The following ZPBP variants were observed in gnomAD, a reference collection of about 807,000 sequenced individuals.
ZPBP encodes zona pellucida binding protein, also known as zona pellucida-binding protein 1.
ZPBP carries 26 observed loss-of-function variants against 44.8 expected under a neutral mutation model. That is an observed-to-expected ratio of 0.58 (90% CI 0.43 to 0.81). ZPBP has a LOEUF of 0.81. ZPBP is among the 30% of genes least tolerant of loss of function. The probability of loss-of-function intolerance (pLI) is 0.00; values close to 1 mark genes in which losing one functional copy is unlikely to be tolerated. For synonymous variants in ZPBP, 174 were observed against 153.2 expected (o/e 1.14, Z -1.00); for missense variants, 409 against 434.0 (o/e 0.94, Z 0.51).
At chr7:49,924,060 T>C (rs1794133494) in intron 1 of ZPBP, among the ~76,000 whole-genome samples, 1 of 151,810 alleles carries the variant, frequency 6.6e-6, no homozygotes, top group South Asian at 2.1e-4. Context: ...GAGGCGGAGG[T>C]TGCAGTGAGC....
chr7:49,844,645 T>C, the ZPBP span, among the ~76,000 whole-genome samples: 1 of 152,194 alleles, frequency 6.6e-6, no homozygotes, highest in East Asian at 1.9e-4. Context: ...GGTCAATGGA[T>C]CTGACACGTA....
intron 2 of ZPBP, among the ~76,000 whole-genome samples, chr7:49,881,943 T>A (rs1471310015): frequency 1.3e-5 from 2 of 152,102 alleles, no homozygotes; most frequent in African/African-American, 2.4e-5. Flanking sequence ...TTCCTTTTTT[T>A]AAATTTGTCT....
downstream of ZPBP, among the ~76,000 whole-genome samples, chr7:49,845,926 T>G (rs1307560568): frequency 6.6e-6 from 1 of 152,232 alleles, no homozygotes; most frequent in Non-Finnish European, 1.5e-5. Context: ...TGGAGAGTTT[T>G]CACTAATGAG....
At chr7:49,981,423 T>A (rs1322960888) in intron 7 of ZPBP, among the ~76,000 whole-genome samples, 2 of 47,418 alleles carry the variant, frequency 4.2e-5, no homozygotes, top group Admixed American at 8.5e-4. Context: ...TAATATATAA[T>A]ATAAAATATA....
At chr7:50,008,068 A>G (rs564081631) in intron 6 of ZPBP, among the ~76,000 whole-genome samples, 1 of 152,174 alleles carries the variant, frequency 6.6e-6, no homozygotes, top group African/African-American at 2.4e-5. Flanking sequence ...CTATATAGGA[A>G]AAAATAAAAT....
At chr7:49,857,390 C>G (rs913964307) in intron 2 of ZPBP, among the ~76,000 whole-genome samples, 2 of 152,146 alleles carry the variant, frequency 1.3e-5, no homozygotes, top group African/African-American at 2.4e-5. Flanking sequence ...CTGAATATTC[C>G]AATGTAGGCA....
chr7:50,066,225 G>C (rs1277307558), intron 3 of ZPBP, among the ~76,000 whole-genome samples: 1 of 150,578 alleles, frequency 6.6e-6, no homozygotes, highest in East Asian at 1.9e-4. Flanking sequence ...TTATAGGAGA[G>C]AGGGTCTTCT....
chr7:49,892,403 C>G (rs1166677982), intron 2 of ZPBP, among the ~76,000 whole-genome samples: 1 of 152,104 alleles, frequency 6.6e-6, no homozygotes, highest in Non-Finnish European at 1.5e-5. Flanking sequence ...ATAAGTAAAG[C>G]TACTTCGACA....
At chr7:50,061,323 A>G (rs1801225046) in intron 3 of ZPBP, among the ~76,000 whole-genome samples, 2 of 152,168 alleles carry the variant, frequency 1.3e-5, no homozygotes, top group Non-Finnish European at 2.9e-5. Flanking sequence ...GCATCAGGCA[A>G]GAGAAAGAAA....
At chr7:49,879,503 C>G (rs911559511) in intron 2 of ZPBP, among the ~76,000 whole-genome samples, 9 of 152,114 alleles carry the variant, frequency 5.9e-5, no homozygotes, top group African/African-American at 2.2e-4. Flanking sequence ...TAATAGAATG[C>G]AGAATCACCA....
At chr7:49,943,555 G>A in intron 7 of ZPBP, 1 of 389,302 alleles carries the variant, frequency 2.6e-6, no homozygotes, top group Non-Finnish European at 5.0e-6. Flanking sequence ...CTGAATAAAT[G>A]CTCCTTTGCG....
intron 1 of ZPBP, among the ~76,000 whole-genome samples, chr7:49,922,879 T>A (rs1332147073): frequency 1.3e-5 from 2 of 152,158 alleles, no homozygotes; most frequent in East Asian, 3.8e-4. Context: ...AATAAATCTA[T>A]ATTCAAAGAC....
intron 3 of ZPBP, among the ~76,000 whole-genome samples, chr7:50,067,158 T>C (rs982948956): frequency 6.6e-6 from 1 of 152,198 alleles, no homozygotes; most frequent in Non-Finnish European, 1.5e-5. Context: ...ATCTTTTGCA[T>C]GGCCATACTT....
At chr7:50,033,678 G>GTTTGTTTGTTTGTTTA (rs143206693) in intron 4 of ZPBP, among the ~76,000 whole-genome samples, 3,513 of 148,786 alleles carry the variant, frequency 0.024, 50 homozygotes, top group Non-Finnish European at 0.033. Flanking sequence ...TCTTTCTACA[G>GTTTGTTTGTTTGTTTA]TTTATTTATT....
intron 2 of ZPBP, among the ~76,000 whole-genome samples, chr7:49,852,849 T>C (rs1373190340): frequency 6.6e-6 from 1 of 152,200 alleles, no homozygotes. Flanking sequence ...AGTGACTGGC[T>C]CCTTGAACTA....
intron 2 of ZPBP, among the ~76,000 whole-genome samples, chr7:49,863,986 C>T (rs1428610827): frequency 6.6e-6 from 1 of 151,482 alleles, no homozygotes; most frequent in Non-Finnish European, 1.5e-5. Context: ...AAATATTTTC[C>T]CTTTAGTTTT....
At chr7:49,990,843 C>A (rs1797539756) in intron 6 of ZPBP, among the ~76,000 whole-genome samples, 1 of 152,102 alleles carries the variant, frequency 6.6e-6, no homozygotes, top group African/African-American at 2.4e-5. Context: ...TCTAACACAC[C>A]TAACAAGAAG....
intron 1 of ZPBP, among the ~76,000 whole-genome samples, chr7:49,924,136 A>AAAT (rs59183596): frequency 0.015 from 2,265 of 149,382 alleles, 57 homozygotes; most frequent in African/African-American, 0.049. Flanking sequence ...TAATAATAAT[A>AAAT]AATAATAATA....
downstream of ZPBP, among the ~76,000 whole-genome samples, chr7:49,932,710 T>A (rs1196131419): frequency 1.3e-5 from 2 of 151,892 alleles, no homozygotes; most frequent in Non-Finnish European, 1.5e-5. Context: ...TTGGGAGGGG[T>A]CACAGGTGAA....
Sources: gnomAD v4.1 joint callset for allele counts (sites outside exome capture counted in the v4.1 genomes callset) on GRCh38, gnomAD v4.1.1 for gene constraint, MANE v1.5 for transcripts, NCBI Gene and HGNC (gene_info 2026-07-23, HGNC 2026-07-21) for gene names.